Variants in CLDN16 observed in about 807,000 individuals in gnomAD.
CLDN16 encodes the protein claudin-16.
Under a neutral mutation model 24.6 loss-of-function variants are expected in CLDN16, and 13 were observed. That is an observed-to-expected ratio of 0.53 (90% confidence interval 0.34 to 0.84). The LOEUF is 0.84. Ranked by LOEUF, CLDN16 falls within the 40% of genes least tolerant of loss-of-function variation. The pLI is 0.01. For missense variants in CLDN16, 298 were observed against 292.7 expected (o/e 1.02, Z -0.13); for synonymous variants, 116 against 106.7 (o/e 1.09, Z -0.54).
In CLDN16 at chr3:190,408,318, C is replaced by G. The variant is rs1486834780; in HGVS notation, c.387C>G (p.Thr129=). 1.2e-6 allele frequency: 2 copies of G among 1,613,854 alleles called. No individual in the cohort carries two copies. The highest frequency in any genetic ancestry group is 3.3e-4 in the Middle Eastern group (2 of 6,062). The change falls in exon 4 of 5, where the codon ACC becomes ACG. Residue 129 remains threonine, a synonymous_variant. Coordinates refer to ENST00000264734, the MANE Select transcript of CLDN16 (RefSeq NM_006580.4). ...VAGATLLIAG[T]PGIIGSVWYA... ...AGCATCCTCCCTTTCTTTCAGGTAC[C>G]CCAGGAATCATTGGCTCTGTGTGGT... is the stretch of plus-strand genomic sequence containing the variant.
chr3:190,337,135 G>A (rs750909719), intron 1 of CLDN16, among the ~76,000 whole-genome samples: 41 of 152,158 alleles, frequency 2.7e-4, no homozygotes, highest in Non-Finnish European at 4.6e-4. Flanking sequence ...AGCCCCACTT[G>A]GTAAGTCCTG....
At chr3:190,304,824 G>T in the CLDN16 span, among the ~76,000 whole-genome samples, 1 of 152,278 alleles carries the variant, frequency 6.6e-6, no homozygotes, top group African/African-American at 2.4e-5. Flanking sequence ...TGGGGACAAA[G>T]TGAAGTTTTC....
intron 1 of CLDN16, among the ~76,000 whole-genome samples, chr3:190,338,621 G>A (rs1383779158): frequency 6.6e-6 from 1 of 152,174 alleles, no homozygotes. Flanking sequence ...AGTCCTAGCT[G>A]AGTGTAAAAG....
chr3:190,352,574 T>C (rs1257598212), intron 1 of CLDN16, among the ~76,000 whole-genome samples: 3 of 152,196 alleles, frequency 2.0e-5, no homozygotes, highest in African/African-American at 7.2e-5. Context: ...ACTAATCATG[T>C]AATTAGAAAT....
intron 2 of CLDN16, chr3:190,371,016 T>TATATATATATATATA (rs1718128527): frequency 7.2e-5 from 1 of 13,860 alleles, no homozygotes; most frequent in Non-Finnish European, 2.5e-4. Context: ...GTTAATACCT[T>TATATATATATATATA]TATATATATA....
upstream of CLDN16, among the ~76,000 whole-genome samples, chr3:190,385,996 T>C (rs973741528): frequency 1.3e-5 from 2 of 152,110 alleles, no homozygotes; most frequent in South Asian, 4.1e-4. Context: ...CAGAGTCCAG[T>C]GTACACTCAG....
chr3:190,392,656 T>G (rs888620394), intron 1 of CLDN16, among the ~76,000 whole-genome samples: 1 of 152,104 alleles, frequency 6.6e-6, no homozygotes, highest in Non-Finnish European at 1.5e-5. Context: ...ATATCTAAAC[T>G]AGGACTTGAA....
chr3:190,380,241 C>CTTTT lies in CLDN16; in HGVS notation n.306+5638_306+5639insTTTT, dbSNP rs1450937081. Among the ~76,000 whole-genome samples, 196 of 31,518 alleles carry CTTTT rather than the reference C, an allele frequency of 6.2e-3. 2 individuals carry two copies. Among genetic ancestry groups the CTTTT allele is most frequent in the Middle Eastern group, 0.028 (1 of 36 alleles). 20.7% of individuals were successfully genotyped at this position (31,518 alleles called of 152,430 possible). ...CTTCCTTCCTTTTCTTCCTTCCCTC[C>CTTTT]CTTCCTTCCTTCCTTTCTTCCTTCC... On this transcript the variant is annotated intron_variant and non_coding_transcript_variant, in intron 3 of 4. Transcript: ENST00000468220.
At chr3:190,352,214 T>C (rs1383714293) in intron 1 of CLDN16, among the ~76,000 whole-genome samples, 5 of 152,072 alleles carry the variant, frequency 3.3e-5, no homozygotes, top group African/African-American at 1.2e-4. Flanking sequence ...GGATAGCTTC[T>C]TTACAACTTC....
intron 2 of CLDN16, among the ~76,000 whole-genome samples, chr3:190,371,218 T>C (rs1345588637): frequency 6.6e-6 from 1 of 150,798 alleles, no homozygotes; most frequent in Non-Finnish European, 1.5e-5. Flanking sequence ...TACATATATA[T>C]AGTATAATAT....
upstream of CLDN16, among the ~76,000 whole-genome samples, chr3:190,320,025 TC>T (rs1173529647): frequency 2.6e-5 from 4 of 152,170 alleles, no homozygotes; most frequent in Non-Finnish European, 5.9e-5. Flanking sequence ...AAAAGTGGAT[TC>T]TGATCTGGAG....
At chr3:190,333,904 T>A (rs1261785458) in intron 1 of CLDN16, among the ~76,000 whole-genome samples, 1 of 152,074 alleles carries the variant, frequency 6.6e-6, no homozygotes, top group Non-Finnish European at 1.5e-5. Flanking sequence ...ACAGAAACAT[T>A]GTCACAGAAC....
At chr3:190,302,582 C>T in the CLDN16 span, among the ~76,000 whole-genome samples, 1 of 151,898 alleles carries the variant, frequency 6.6e-6, no homozygotes. Flanking sequence ...CCAGCCTAGG[C>T]AATATGGAGA....
At chr3:190,330,918 C>T (rs1210586351) in intron 1 of CLDN16, among the ~76,000 whole-genome samples, 3 of 152,184 alleles carry the variant, frequency 2.0e-5, no homozygotes, top group Non-Finnish European at 4.4e-5. Flanking sequence ...TTATCCTGTT[C>T]TCTCTCCTAC....
chr3:190,319,897 C>T (rs968039632), upstream of CLDN16, among the ~76,000 whole-genome samples: 8 of 152,154 alleles, frequency 5.3e-5, no homozygotes, highest in Admixed American at 1.3e-4. Flanking sequence ...AAAAGCATCC[C>T]GTGAGTCACG....
intron 1 of CLDN16, among the ~76,000 whole-genome samples, chr3:190,361,216 G>A (rs1255198727): frequency 1.3e-5 from 2 of 151,990 alleles, no homozygotes; most frequent in Non-Finnish European, 2.9e-5. Flanking sequence ...AGAGCTCACA[G>A]TCTTTATACT....
intron 1 of CLDN16, among the ~76,000 whole-genome samples, chr3:190,325,851 G>C (rs1245962080): frequency 6.6e-6 from 1 of 152,178 alleles, no homozygotes; most frequent in Admixed American, 6.5e-5. Flanking sequence ...TAAGCAATCT[G>C]CTGTGTAATT....
chr3:190,364,172 T>A (rs1390230201), intron 1 of CLDN16, among the ~76,000 whole-genome samples: 1 of 151,702 alleles, frequency 6.6e-6, no homozygotes, highest in African/African-American at 2.4e-5. Flanking sequence ...CACATGTGAG[T>A]ACAGTTTGGT....
At chr3:190,329,468 G>T (rs552392042) in intron 1 of CLDN16, among the ~76,000 whole-genome samples, 1 of 152,246 alleles carries the variant, frequency 6.6e-6, no homozygotes, top group Non-Finnish European at 1.5e-5. Context: ...AGAGGAAGGA[G>T]AAGCTCAACC....
Sources: allele counts gnomAD v4.1 joint callset (sites outside exome capture counted in the v4.1 genomes callset), GRCh38; gene constraint gnomAD v4.1.1; transcripts MANE v1.5; gene names NCBI Gene and HGNC (gene_info 2026-07-23, HGNC 2026-07-21).